The following DRC8 variants were observed in gnomAD, a reference collection of about 807,000 sequenced individuals.
The protein encoded by DRC8 is dynein regulatory complex subunit 8, also known as dynein regulatory complex protein 8.
the DRC8 span, among the ~76,000 whole-genome samples, chr1:245,024,165 T>C: frequency 4.6e-4 from 70 of 151,932 alleles, no homozygotes; most frequent in Middle Eastern, 0.01. Flanking sequence ...GCGAGACTCT[T>C]ATCTCAAAAA....
chr1:245,076,939 A>C, the DRC8 span, among the ~76,000 whole-genome samples: 1,103 of 152,000 alleles, frequency 7.3e-3, 10 homozygotes, highest in African/African-American at 0.024. Flanking sequence ...GTTGGCCAGG[A>C]TGGTCTCGAT....
the DRC8 span, among the ~76,000 whole-genome samples, chr1:245,105,622 CA>C: frequency 0.012 from 1,424 of 114,330 alleles, 30 homozygotes; most frequent in African/African-American, 0.05. Flanking sequence ...GACCCCATCT[CA>C]AAAAAAAAAA....
the DRC8 span, chr1:245,059,381 T>C: frequency 1.9e-5 from 31 of 1,604,806 alleles, no homozygotes; most frequent in African/African-American, 2.8e-4. Flanking sequence ...CTTTTTTTTT[T>C]CCAGAGAGAT....
chr1:245,042,177 G>A, the DRC8 span, among the ~76,000 whole-genome samples: 2,512 of 152,304 alleles, frequency 0.016, 58 homozygotes, highest in African/African-American at 0.057. Context: ...GAGTGCCTGC[G>A]CCATGGCACA....
At chr1:244,988,211 C>G in the DRC8 span, among the ~76,000 whole-genome samples, 1 of 152,024 alleles carries the variant, frequency 6.6e-6, no homozygotes, top group Non-Finnish European at 1.5e-5. Context: ...GAGATCGGGT[C>G]CCACTATGTT....
At chr1:245,118,335 T>G in the DRC8 span, among the ~76,000 whole-genome samples, 2 of 152,178 alleles carry the variant, frequency 1.3e-5, no homozygotes. Context: ...TGCGCTGGGC[T>G]TGGCTGGGGA....
At chr1:244,986,417 A>G in the DRC8 span, among the ~76,000 whole-genome samples, 2 of 152,176 alleles carry the variant, frequency 1.3e-5, no homozygotes, top group African/African-American at 4.8e-5. Context: ...TGGAATGGAG[A>G]CATGAAGGTG....
the DRC8 span, among the ~76,000 whole-genome samples, chr1:245,031,484 G>A: frequency 0.051 from 7,733 of 151,886 alleles, 662 homozygotes; most frequent in African/African-American, 0.17. Flanking sequence ...ATACAGTATA[G>A]TGACATTGGA....
At chr1:244,992,885 G>A in the DRC8 span, among the ~76,000 whole-genome samples, 1 of 152,348 alleles carries the variant, frequency 6.6e-6, no homozygotes, top group East Asian at 1.9e-4. Flanking sequence ...ATTTCTGGCT[G>A]TAGCTTTACT....
the DRC8 span, among the ~76,000 whole-genome samples, chr1:245,096,869 C>T: frequency 3.0e-4 from 46 of 152,128 alleles, no homozygotes; most frequent in African/African-American, 9.7e-4. Context: ...GGGAAAGTCA[C>T]GTGATGTGTC....
the DRC8 span, chr1:245,087,656 A>G: frequency 2.3e-5 from 24 of 1,044,548 alleles, no homozygotes; most frequent in Non-Finnish European, 2.8e-5. Context: ...CGAATTAATT[A>G]AGCTGACAAA....
the DRC8 span, chr1:245,124,475 A>G: frequency 2.0e-5 from 3 of 152,220 alleles, no homozygotes; most frequent in East Asian, 5.8e-4. Flanking sequence ...CAGGATTAAG[A>G]AGAATTCTGG....
chr1:245,023,799 G>A, the DRC8 span, among the ~76,000 whole-genome samples: 4 of 151,954 alleles, frequency 2.6e-5, no homozygotes, highest in African/African-American at 7.3e-5. Flanking sequence ...TATTTTTAAC[G>A]TGAATGGTAT....
At chr1:245,041,016 G>T in the DRC8 span, among the ~76,000 whole-genome samples, 21 of 152,188 alleles carry the variant, frequency 1.4e-4, no homozygotes, top group African/African-American at 4.8e-4. Context: ...GTGCTATAAA[G>T]AAAATAAAGT....
At chr1:245,030,159 T>C in the DRC8 span, among the ~76,000 whole-genome samples, 2 of 152,238 alleles carry the variant, frequency 1.3e-5, no homozygotes, top group Non-Finnish European at 2.9e-5. Context: ...CTCATGGTAG[T>C]TTCTTTATTA....
At chr1:245,093,000 A>G in the DRC8 span, among the ~76,000 whole-genome samples, 1 of 152,256 alleles carries the variant, frequency 6.6e-6, no homozygotes, top group Non-Finnish European at 1.5e-5. Context: ...GAAAATGTTT[A>G]AAAAGCTGTA....
chr1:245,097,983 GAGA>G, the DRC8 span, among the ~76,000 whole-genome samples: 1 of 152,188 alleles, frequency 6.6e-6, no homozygotes, highest in Non-Finnish European at 1.5e-5. The surrounding 1 kb of genome is among the most constrained non-coding windows in gnomAD (Gnocchi z 5.0). Context: ...TAAATGTGGA[GAGA>G]AGAAGAGATG....
chr1:245,117,767 A>G, the DRC8 span, among the ~76,000 whole-genome samples: 222 of 152,210 alleles, frequency 1.5e-3, no homozygotes, highest in African/African-American at 4.9e-3. Flanking sequence ...CCAGGAGTTC[A>G]AGACCAGCCT....
At chr1:245,033,420 G>T in the DRC8 span, among the ~76,000 whole-genome samples, 1 of 152,196 alleles carries the variant, frequency 6.6e-6, no homozygotes, top group Non-Finnish European at 1.5e-5. Context: ...AAGGATTATG[G>T]ATGAAATACC....
Sources: gnomAD v4.1 joint callset for allele counts (sites outside exome capture counted in the v4.1 genomes callset) on GRCh38, gnomAD v4.1.1 for gene constraint, Gnocchi (gnomAD v3.1) non-coding constraint, MANE v1.5 for transcripts, NCBI Gene and HGNC (gene_info 2026-07-23, HGNC 2026-07-21) for gene names.